EVC2: variants seen among roughly 807,000 people sequenced by gnomAD.
EVC2 encodes the protein limbin.
In EVC2, 148 loss-of-function variants were observed where a neutral mutation model predicts 149.3. That is an observed-to-expected ratio of 0.99 (90% CI 0.87 to 1.14). The LOEUF (loss-of-function observed/expected upper bound fraction) is 1.14. Ranked by LOEUF, EVC2 falls within the 50% of genes most tolerant of loss-of-function variation. The pLI is 0.00. For synonymous variants in EVC2, 776 were observed against 649.9 expected (o/e 1.19, Z -2.95); for missense variants, 1,854 against 1,627.3 (o/e 1.14, Z -2.40).
chr4:5,654,004 A>G (rs1718327900), intron 9 of EVC2, among the ~76,000 whole-genome samples: 1 of 152,172 alleles, frequency 6.6e-6, no homozygotes, highest in Non-Finnish European at 1.5e-5. Context: ...ACCTGAGGTA[A>G]GGAGTTCGAC....
intron 16 of EVC2, among the ~76,000 whole-genome samples, chr4:5,605,399 T>C (rs1223869953): frequency 6.6e-6 from 1 of 152,204 alleles, no homozygotes; most frequent in African/African-American, 2.4e-5. Flanking sequence ...GTGGTGAGCC[T>C]GCTGGGCTCC....
chr4:5,543,070 G>T, exon 22 of EVC2: 1 of 1,148,740 alleles, frequency 8.7e-7, no homozygotes, highest in Non-Finnish European at 1.2e-6. Flanking sequence ...AGGCTCCAAC[G>T]ATTGCACTGC....
downstream of EVC2, among the ~76,000 whole-genome samples, chr4:5,540,695 A>ATTTTT (rs1721495145): frequency 6.6e-6 from 1 of 152,232 alleles, no homozygotes; most frequent in African/African-American, 2.4e-5. Context: ...AAGGGCCACA[A>ATTTTT]GGAAATTTTG....
intron 2 of EVC2, among the ~76,000 whole-genome samples, chr4:5,695,946 T>C (rs997925301): frequency 3.3e-5 from 5 of 152,226 alleles, no homozygotes; most frequent in South Asian, 4.2e-4. Flanking sequence ...TTTCCTTCCT[T>C]GGGTTGTATT....
chr4:5,535,611 G>GAC, the EVC2 span, among the ~76,000 whole-genome samples: 8 of 148,460 alleles, frequency 5.4e-5, no homozygotes, highest in African/African-American at 2.0e-4. This position sits in a 1 kb window ranked among gnomAD's most constrained non-coding sequence, Gnocchi z 4.7. Flanking sequence ...AAGAGAGAGA[G>GAC]AGAGAGAGAG....
At chr4:5,638,281 C>T (rs531356775) in intron 10 of EVC2, among the ~76,000 whole-genome samples, 17 of 151,822 alleles carry the variant, frequency 1.1e-4, no homozygotes, top group South Asian at 8.3e-4. Flanking sequence ...CCCAGCTACT[C>T]GGGAGGCTGA....
chr4:5,579,241 TAA>T (rs1711542713), intron 17 of EVC2, among the ~76,000 whole-genome samples: 2 of 152,158 alleles, frequency 1.3e-5, no homozygotes, highest in African/African-American at 4.8e-5. Flanking sequence ...GAGGCAGGTT[TAA>T]AGTCTGCTTT....
In EVC2 at chr4:5,696,060, C is replaced by T. The variant is rs1216610060; in HGVS notation, c.283+1533G>A. On this transcript the variant is annotated intron_variant, in intron 2 of 21. Coordinates refer to ENST00000344408, the MANE Select transcript of EVC2 (RefSeq NM_147127.5). This position sits in a 1 kb window ranked among gnomAD's most constrained non-coding sequence, Gnocchi z 4.1. Reference sequence around the variant, plus strand: ...GCCATGGAAACAAGTGGGTGCTCCACCAGGTGAGCGGCTGATTCAGAGCAT... The same window carrying T: ...GCCATGGAAACAAGTGGGTGCTCCATCAGGTGAGCGGCTGATTCAGAGCAT... Among the ~76,000 whole-genome samples, 4 of 152,116 alleles carry T rather than the reference C, an allele frequency of 2.6e-5. No individual in the cohort carries two copies. Among genetic ancestry groups the T allele is most frequent in the Admixed American group, 2.6e-4 (4 of 15,274 alleles).
chr4:5,640,896 G>A lies in EVC2; in HGVS notation c.1146-58C>T, dbSNP rs924089644. 10 of 1,596,936 alleles carry A rather than the reference G, an allele frequency of 6.3e-6. No homozygotes were observed. The highest frequency in any genetic ancestry group is 7.7e-6 in the Non-Finnish European group (9 of 1,166,080). On this transcript the variant is annotated intron_variant, in intron 9 of 21. Coordinates refer to ENST00000344408, the MANE Select transcript of EVC2 (RefSeq NM_147127.5). The surrounding 1 kb of genome is among the most constrained non-coding windows in gnomAD (Gnocchi z 4.6). ...ACATGAAATTGCAACAGAAACCAAA[G>A]GTCTTTCAAAGCTCTGAGGTTTTCA...
intron 7 of EVC2, among the ~76,000 whole-genome samples, chr4:5,676,737 A>C (rs1206347997): frequency 2.0e-5 from 3 of 152,132 alleles, no homozygotes; most frequent in African/African-American, 7.2e-5. Context: ...CTGCCAGTCC[A>C]CCCAGCCCAT....
intron 19 of EVC2, among the ~76,000 whole-genome samples, chr4:5,570,297 G>A (rs755644084): frequency 2.6e-5 from 4 of 152,196 alleles, no homozygotes; most frequent in Non-Finnish European, 5.9e-5. Context: ...CTGAGGCAGG[G>A]TCTAAACCTT....
intron 21 of EVC2, 113 bp downstream of exon 21, chr4:5,565,145 T>C: frequency 2.0e-6 from 2 of 987,628 alleles, no homozygotes; most frequent in Admixed American, 3.5e-5. Flanking sequence ...GTCACAAATC[T>C]TTGTCTGTTT....
chr4:5,580,462 AC>A (rs1157799738), intron 17 of EVC2, among the ~76,000 whole-genome samples: 1 of 152,226 alleles, frequency 6.6e-6, no homozygotes, highest in African/African-American at 2.4e-5. Flanking sequence ...CAATTATTAT[AC>A]TAATAGAAAT....
chr4:5,691,209 T>G, intron 4 of EVC2, 56 bp downstream of exon 4: 1 of 1,499,928 alleles, frequency 6.7e-7, no homozygotes, highest in South Asian at 1.1e-5. Context: ...AATAAAATGA[T>G]CTGGGCAAAA....
chr4:5,700,008 G>A (rs1721728532), intron 1 of EVC2, among the ~76,000 whole-genome samples: 1 of 151,622 alleles, frequency 6.6e-6, no homozygotes, highest in Admixed American at 6.6e-5. Context: ...GGGCATGGTG[G>A]TGGGTGCCTG....
chr4:5,558,799 G>C (rs895653888), downstream of EVC2, among the ~76,000 whole-genome samples: 2 of 152,142 alleles, frequency 1.3e-5, no homozygotes, highest in Admixed American at 1.3e-4. Context: ...CATGGGTCCA[G>C]GTTATCAAAA....
At chr4:5,562,336 G>A (rs1190733879), downstream of EVC2, 3 of 608,954 alleles carry the variant, frequency 4.9e-6, no homozygotes, top group Non-Finnish European at 6.2e-6. The surrounding 1 kb of genome is among the most constrained non-coding windows in gnomAD (Gnocchi z 4.3). Context: ...AGCGATAGAG[G>A]GCGAATCTCT....
chr4:5,581,000 CAAGT>C (rs1403112979), intron 17 of EVC2, among the ~76,000 whole-genome samples: 3 of 152,144 alleles, frequency 2.0e-5, no homozygotes, highest in Non-Finnish European at 4.4e-5. Flanking sequence ...TTGCTCCAGC[CAAGT>C]AAGATGTGCC....
chr4:5,684,301 T>C (rs1451413260), intron 6 of EVC2, among the ~76,000 whole-genome samples: 1 of 152,188 alleles, frequency 6.6e-6, no homozygotes, highest in Non-Finnish European at 1.5e-5. Flanking sequence ...GGTTTTTTGT[T>C]TTGTTTTGTT....
Sources: allele counts gnomAD v4.1 joint callset (sites outside exome capture counted in the v4.1 genomes callset), GRCh38; gene constraint gnomAD v4.1.1; non-coding constraint Gnocchi (gnomAD v3.1); transcripts MANE v1.5; gene names NCBI Gene and HGNC (gene_info 2026-07-23, HGNC 2026-07-21).